The following CHD6 variants were observed in gnomAD, a reference collection of about 807,000 sequenced individuals.
CHD6 encodes chromodomain helicase DNA binding protein 6.
Under a neutral mutation model 276.9 loss-of-function variants are expected in CHD6, and 50 were observed. That is an observed-to-expected ratio of 0.18 (90% confidence interval 0.14 to 0.23). CHD6 has a LOEUF of 0.23. CHD6 is among the 10% of genes least tolerant of loss of function. CHD6 has a pLI of 1.00. For synonymous variants in CHD6, 1,173 were observed against 1,229.3 expected (o/e 0.95, Z 0.96); for missense variants, 2,564 against 3,365.8 (o/e 0.76, Z 5.89).
intron 24 of CHD6, among the ~76,000 whole-genome samples, chr20:41,446,940 G>A (rs1469184291): frequency 6.6e-6 from 1 of 152,160 alleles, no homozygotes; most frequent in African/African-American, 2.4e-5. Flanking sequence ...GGTAACACTT[G>A]ATGGATATTA....
At chr20:41,491,555 G>A (rs1478343833) in intron 11 of CHD6, 143 bp downstream of exon 11, 7 of 820,458 alleles carry the variant, frequency 8.5e-6, no homozygotes, top group Non-Finnish European at 5.8e-6. Context: ...AGTCTTGGAT[G>A]ATTAATGTGC....
intron 36 of CHD6, among the ~76,000 whole-genome samples, chr20:41,405,972 A>G (rs1238844096): frequency 6.6e-6 from 1 of 152,174 alleles, no homozygotes; most frequent in East Asian, 1.9e-4. Flanking sequence ...CCTGACTGCA[A>G]CCTCCTAGCT....
At chr20:41,602,360 A>C (rs2146288251) in intron 1 of CHD6, among the ~76,000 whole-genome samples, 1 of 152,324 alleles carries the variant, frequency 6.6e-6, no homozygotes, top group Non-Finnish European at 1.5e-5. Context: ...GAAGGTGCCC[A>C]TTTCACCTTC....
chr20:41,556,946 C>T (rs1169106547), intron 1 of CHD6, among the ~76,000 whole-genome samples: 1 of 152,180 alleles, frequency 6.6e-6, no homozygotes, highest in East Asian at 1.9e-4. Context: ...AATAGATACA[C>T]CCTAAAGCTT....
At chr20:41,520,592 T>C (rs2044367800) in intron 3 of CHD6, among the ~76,000 whole-genome samples, 1 of 148,918 alleles carries the variant, frequency 6.7e-6, no homozygotes, top group African/African-American at 2.5e-5. Context: ...ACACCGCATG[T>C]TCTCACTCAT....
chr20:41,417,071 A>G, intron 32 of CHD6, 127 bp downstream of exon 32: 2 of 888,446 alleles, frequency 2.3e-6, no homozygotes, highest in Non-Finnish European at 3.4e-6. Flanking sequence ...TACATAACTA[A>G]TATCTTTTAA....
intron 17 of CHD6, among the ~76,000 whole-genome samples, chr20:41,465,546 AC>A (rs1259210882): frequency 6.6e-6 from 1 of 152,226 alleles, no homozygotes; most frequent in Non-Finnish European, 1.5e-5. Flanking sequence ...GGGAGTCACA[AC>A]TTCTAAATGG....
chr20:41,617,480 T>C (rs2045944263), intron 1 of CHD6, among the ~76,000 whole-genome samples: 1 of 152,156 alleles, frequency 6.6e-6, no homozygotes. Context: ...TGAGGGGATT[T>C]CCTAATAACG....
chr20:41,524,162 C>G (rs150379031), intron 3 of CHD6, among the ~76,000 whole-genome samples: 1 of 152,164 alleles, frequency 6.6e-6, no homozygotes, highest in African/African-American at 2.4e-5. Flanking sequence ...GAGTACAATA[C>G]TGAAAACATG....
intron 36 of CHD6, among the ~76,000 whole-genome samples, chr20:41,406,237 G>C (rs79535504): frequency 1.6e-3 from 238 of 152,318 alleles, no homozygotes; most frequent in African/African-American, 5.4e-3. Flanking sequence ...CAAAATAAGT[G>C]GTGGTTCTCC....
intron 3 of CHD6, among the ~76,000 whole-genome samples, chr20:41,524,508 A>C: frequency 6.6e-6 from 1 of 152,214 alleles, no homozygotes. Flanking sequence ...TAGTCCTATC[A>C]AAAGTAATAA....
intron 4 of CHD6, among the ~76,000 whole-genome samples, 176 bp from the exon 5 acceptor site, chr20:41,513,171 T>C (rs1208061477): frequency 6.6e-6 from 1 of 152,168 alleles, no homozygotes; most frequent in Admixed American, 6.5e-5. Context: ...CAAAATGGGA[T>C]CTAGCTGAGT....
At position 41,533,425 on chromosome 20, in the gene CHD6, T is replaced by G; in HGVS notation, c.179A>C (p.Asp60Ala). Residue 60 changes from aspartate to alanine, a missense_variant, in exon 3 of 37, where the codon GAC becomes GCC. Asp to Ala is a moderately radical substitution (Grantham distance 126, BLOSUM62 -2). Around this residue, in one of 7 missense-constraint regions of CHD6, gnomAD observed 286 missense variants for 297.8 expected, o/e 0.96. Transcript: ENST00000373233. ...DVASHCLPQK[D>A]LYTAEEEAAT... The stretch of plus-strand genomic sequence containing the variant: ...AGCTTCCTCTTCAGCAGTATACAGG[T>G]CCTTCTGAGGCAGACAGTGACTAGC... 6.2e-7 allele frequency: 1 copy of G among 1,614,138 alleles called. No homozygotes were observed. Among genetic ancestry groups the G allele is most frequent in the Non-Finnish European group, 8.5e-7 (1 of 1,180,012 alleles).
chr20:41,500,013 T>C (rs1031458882), intron 5 of CHD6, among the ~76,000 whole-genome samples: 19 of 152,264 alleles, frequency 1.2e-4, no homozygotes, highest in Admixed American at 9.8e-4. Flanking sequence ...TAGATAACCA[T>C]CAACACTTCT....
intron 33 of CHD6, among the ~76,000 whole-genome samples, chr20:41,416,063 G>C (rs1376738402): frequency 1.3e-5 from 2 of 152,156 alleles, no homozygotes; most frequent in African/African-American, 4.8e-5. Flanking sequence ...ATGTGCAGTT[G>C]AGCATGAGAA....
In CHD6 at chr20:41,505,086, T is replaced by C. The variant is rs191257898; in HGVS notation, c.853-5729A>G. 5.3e-4 allele frequency among the ~76,000 whole-genome samples: 81 copies of C among 152,326 alleles called. No individual in the cohort carries two copies. The East Asian group carries it at 0.013, about 24-fold the overall frequency. On this transcript the variant is annotated intron_variant, in intron 5 of 36. Coordinates refer to ENST00000373233, the MANE Select transcript of CHD6 (RefSeq NM_032221.5). The stretch of plus-strand genomic sequence containing the variant: ...AACATGAGTATCCAGGGTCACTGAC[T>C]GAGAGATTGGCAGGTCTTTTTTCTC...
Position 41,497,405 on chromosome 20 carries a change from C to G in CHD6, c.1071G>C (p.Gln357His), listed in dbSNP as rs1251254582. 2 of 1,613,036 alleles carry G rather than the reference C, an allele frequency of 1.2e-6. No individual in the cohort carries two copies. Among genetic ancestry groups the G allele is most frequent in the Non-Finnish European group, 1.7e-6 (2 of 1,179,174 alleles). Reference protein sequence around the residue: ...KIKRFRNKQAQMKHIFTEPDE... With the variant: ...KIKRFRNKQAHMKHIFTEPDE... ...TCACCTCCGTAAAAATGTGCTTCAT[C>G]TGGGCTTGTTTATTCCTAAATCGCT... is the stretch of plus-strand genomic sequence containing the variant. The change falls in exon 8 of 37, where the codon CAG becomes CAC. Residue 357 changes from glutamine (Q) to histidine (H), a missense_variant. Gln to His is a conservative substitution (Grantham distance 24). Coordinates refer to ENST00000373233, the MANE Select transcript of CHD6 (RefSeq NM_032221.5).
At position 41,437,264 on chromosome 20, in the gene CHD6, T is replaced by C; in HGVS notation, c.4068+10A>G. ...CGGTGTAAATGACCAATACTGCACATTTGACTCACCGTTTGTTTCTGGAGG... is the reference window on the plus strand; with the variant it reads ...CGGTGTAAATGACCAATACTGCACACTTGACTCACCGTTTGTTTCTGGAGG... On this transcript the variant is annotated intron_variant, in intron 27 of 36. Transcript: ENST00000373233. 6.2e-7 allele frequency: 1 copy of C among 1,606,900 alleles called. No individual in the cohort carries two copies. The highest frequency in any genetic ancestry group is 8.5e-7 in the Non-Finnish European group (1 of 1,173,448).
chr20:41,507,625 A>G (rs1203582244), intron 5 of CHD6, among the ~76,000 whole-genome samples: 1 of 152,218 alleles, frequency 6.6e-6, no homozygotes, highest in African/African-American at 2.4e-5. Context: ...CTCAGTGTAT[A>G]CAGATACACA....
Sources: gnomAD v4.1 joint callset for allele counts (sites outside exome capture counted in the v4.1 genomes callset) on GRCh38, gnomAD v4.1.1 for gene constraint, gnomAD v4.1.1 regional missense constraint, MANE v1.5 for transcripts, NCBI Gene and HGNC (gene_info 2026-07-23, HGNC 2026-07-21) for gene names.